Variants in KALRN observed in about 807,000 individuals in gnomAD.
KALRN encodes the protein kalirin RhoGEF kinase.
KALRN carries 70 observed loss-of-function variants against 353.7 expected under a neutral mutation model. That is an observed-to-expected ratio of 0.20 (90% CI 0.16 to 0.24). The LOEUF (loss-of-function observed/expected upper bound fraction) is 0.24. Among genes scored for constraint, KALRN ranks in the 10% least tolerant of loss-of-function variants. The pLI is 1.00. For synonymous variants in KALRN, 1,391 were observed against 1,434.8 expected (o/e 0.97, Z 0.69); for missense variants, 2,791 against 3,756.7 (o/e 0.74, Z 6.72).
Position 124,661,840 on chromosome 3 carries a change from C to T in KALRN, c.6268-11C>T, listed in dbSNP as rs375465959. On this transcript the variant is annotated splice_polypyrimidine_tract_variant and intron_variant, in intron 44 of 59. Coordinates refer to ENST00000682506, the MANE Select transcript of KALRN (RefSeq NM_001388419.1). The stretch of plus-strand genomic sequence containing the variant: ...TTCCCCCTCCTGAGTAACAGTTGTT[C>T]TTTCCCACAGAAAGCAGTGGAGTTA... 3.1e-6 allele frequency: 5 copies of T among 1,611,908 alleles called. No individual in the cohort carries two copies. The highest frequency in any genetic ancestry group is 2.2e-5 in the East Asian group (1 of 44,890).
chr3:124,237,730 A>G (rs750351398), intron 3 of KALRN, among the ~76,000 whole-genome samples: 9 of 152,178 alleles, frequency 5.9e-5, no homozygotes, highest in South Asian at 2.1e-4. Flanking sequence ...GAGCTTCTCT[A>G]TGCCAGGTAG....
rs1180615405 is a variant in KALRN at position 124,456,739 on chromosome 3, G to T, written c.3854+11G>T. On this transcript the variant is annotated intron_variant, in intron 23 of 59. Coordinates refer to ENST00000682506, the MANE Select transcript of KALRN (RefSeq NM_001388419.1). ...AGCCCGGAAGAAAGAGTACGTGTTG[G>T]CTTCCGCCCAGCTAGCTGGCTCCCC... 5.0e-6 allele frequency: 8 copies of T among 1,595,882 alleles called. No homozygotes were observed. Among genetic ancestry groups the T allele is most frequent in the Non-Finnish European group, 6.9e-6 (8 of 1,165,220 alleles).
chr3:124,308,786 A>T (rs2149285757), intron 6 of KALRN, among the ~76,000 whole-genome samples: 1 of 151,910 alleles, frequency 6.6e-6, no homozygotes, highest in South Asian at 2.1e-4. Context: ...CGAAACCTAA[A>T]GCAAGCAGAA....
intron 2 of KALRN, among the ~76,000 whole-genome samples, chr3:124,229,727 A>G (rs2078953037): frequency 6.6e-6 from 1 of 152,258 alleles, no homozygotes; most frequent in Non-Finnish European, 1.5e-5. Flanking sequence ...AGGTGAGGGC[A>G]GGCATGCAAT....
intron 1 of KALRN, among the ~76,000 whole-genome samples, chr3:124,047,719 G>A (rs2040636163): frequency 6.6e-6 from 1 of 150,614 alleles, no homozygotes; most frequent in South Asian, 2.1e-4. Flanking sequence ...TCGCCAGGAT[G>A]GTCTCGATTT....
intron 1 of KALRN, among the ~76,000 whole-genome samples, chr3:124,072,834 C>T (rs1178282019): frequency 6.6e-6 from 1 of 152,222 alleles, no homozygotes; most frequent in East Asian, 1.9e-4. Flanking sequence ...TGCTGGCCAG[C>T]CAGGGCACTT....
intron 45 of KALRN, among the ~76,000 whole-genome samples, chr3:124,663,391 A>C (rs527794936): frequency 6.6e-6 from 1 of 152,338 alleles, no homozygotes; most frequent in South Asian, 2.1e-4. Flanking sequence ...AGGGGCTAGG[A>C]CTTCAACATA....
At chr3:124,214,660 T>C (rs2077169682) in intron 1 of KALRN, among the ~76,000 whole-genome samples, 1 of 152,188 alleles carries the variant, frequency 6.6e-6, no homozygotes, top group Non-Finnish European at 1.5e-5. Flanking sequence ...GAACTGAGAA[T>C]CTAAGCAACC....
chr3:124,367,793 C>T (rs1171590407), intron 10 of KALRN, among the ~76,000 whole-genome samples: 4 of 7,356 alleles, frequency 5.4e-4, no homozygotes, highest in Admixed American at 9.9e-4. Flanking sequence ...ACCTCCCGGA[C>T]GGGGCGGCTG....
At chr3:124,665,328 A>C (rs545332106) in intron 45 of KALRN, among the ~76,000 whole-genome samples, 1 of 152,346 alleles carries the variant, frequency 6.6e-6, no homozygotes, top group South Asian at 2.1e-4. Flanking sequence ...TTCCCTTTGA[A>C]GCTGTGAAGA....
chr3:124,125,311 C>A (rs1016199361), intron 1 of KALRN, among the ~76,000 whole-genome samples: 2 of 152,190 alleles, frequency 1.3e-5, no homozygotes, highest in African/African-American at 4.8e-5. Flanking sequence ...AATCTAGGAC[C>A]TTGGATTACA....
intron 1 of KALRN, among the ~76,000 whole-genome samples, chr3:124,184,221 T>C (rs1254176096): frequency 2.0e-5 from 3 of 152,204 alleles, no homozygotes; most frequent in African/African-American, 7.2e-5. Flanking sequence ...TCTGTGACCT[T>C]GAGCAAGTCA....
At chr3:124,527,490 TC>T in intron 33 of KALRN, among the ~76,000 whole-genome samples, 1 of 151,730 alleles carries the variant, frequency 6.6e-6, no homozygotes. Flanking sequence ...ACACCTGTAG[TC>T]CCAGCTACTC....
intron 21 of KALRN, among the ~76,000 whole-genome samples, chr3:124,448,012 G>C (rs528163426): frequency 6.6e-6 from 1 of 152,102 alleles, no homozygotes; most frequent in Non-Finnish European, 1.5e-5. Context: ...GGCTTTATCC[G>C]CCCTTCTCCA....
intron 1 of KALRN, among the ~76,000 whole-genome samples, chr3:124,217,614 A>G (rs186899913): frequency 2.2e-4 from 34 of 152,258 alleles, no homozygotes; most frequent in Admixed American, 1.9e-3. Context: ...TCTCCATGAT[A>G]TATCTTAACA....
At chr3:124,267,301 A>G (rs1442549326) in intron 4 of KALRN, among the ~76,000 whole-genome samples, 1 of 152,232 alleles carries the variant, frequency 6.6e-6, no homozygotes, top group Non-Finnish European at 1.5e-5. Context: ...CTCAAGTTTA[A>G]TGCACACAAA....
intron 36 of KALRN, among the ~76,000 whole-genome samples, chr3:124,636,731 T>A (rs1049270161): frequency 6.6e-6 from 1 of 151,990 alleles, no homozygotes; most frequent in Non-Finnish European, 1.5e-5. Context: ...ATAATAAAGA[T>A]CTATATCTAA....
rs759771956 is a variant in KALRN at position 124,678,232 on chromosome 3, G to A, written c.7236G>A (p.Ala2412=). Residue 2412 remains alanine, a synonymous_variant, in exon 50 of 60, where the codon GCG becomes GCA. Transcript: ENST00000682506. The part of the protein sequence containing the change: ...SWHTLRMRKR[A]EVENTGKNEA... ...ATACTCTACGCATGAGAAAGCGGGCGGAAGTGGAGAACACGGGTAAAAATG... is the reference window on the plus strand; with the variant it reads ...ATACTCTACGCATGAGAAAGCGGGCAGAAGTGGAGAACACGGGTAAAAATG... The A allele has an allele frequency of 9.9e-6, 16 of 1,613,918 alleles. No individual in the cohort carries two copies. The highest frequency in any genetic ancestry group is 6.7e-5 in the Admixed American group (4 of 59,996).
intron 29 of KALRN, among the ~76,000 whole-genome samples, chr3:124,490,416 G>T (rs894933045): frequency 5.9e-5 from 9 of 152,122 alleles, no homozygotes; most frequent in African/African-American, 2.2e-4. Context: ...GGTGTGTGAA[G>T]GTGTGAGGTT....
Sources: gnomAD v4.1 joint callset for allele counts (sites outside exome capture counted in the v4.1 genomes callset) on GRCh38, gnomAD v4.1.1 for gene constraint, MANE v1.5 for transcripts, NCBI Gene and HGNC (gene_info 2026-07-23, HGNC 2026-07-21) for gene names.